IL1RAPL2: variants seen among roughly 807,000 people sequenced by gnomAD.
IL1RAPL2 encodes the protein X-linked interleukin-1 receptor accessory protein-like 2.
A neutral mutation model predicts 44.1 loss-of-function variants in IL1RAPL2; 3 were observed. That is an observed-to-expected ratio of 0.07 (90% CI 0.03 to 0.18). The LOEUF (loss-of-function observed/expected upper bound fraction) is 0.18. Among genes scored for constraint, IL1RAPL2 ranks in the 10% least tolerant of loss-of-function variants. IL1RAPL2 has a pLI of 1.00. For synonymous variants in IL1RAPL2, 181 were observed against 178.8 expected (o/e 1.01, Z -0.10); for missense variants, 391 against 496.4 (o/e 0.79, Z 2.02).
chrX:105,406,050 A>G, intron 5 of IL1RAPL2: 4 of 1,202,345 alleles, frequency 3.3e-6, no homozygotes, highest in Non-Finnish European at 4.5e-6. Context: ...GCGGTACTTT[A>G]CAACTACACG....
At chrX:104,641,940 C>T (rs779604186) in intron 1 of IL1RAPL2, among the ~76,000 whole-genome samples, 4 of 111,597 alleles carry the variant, frequency 3.6e-5, no homozygotes, top group Non-Finnish European at 5.6e-5. Flanking sequence ...TGGCACCCAG[C>T]ACAGACTCAC....
chrX:105,382,534 A>G (rs1181243635), intron 5 of IL1RAPL2, among the ~76,000 whole-genome samples: 1 of 104,457 alleles, frequency 9.6e-6, no homozygotes, highest in Non-Finnish European at 1.9e-5. Context: ...ACTGTAAACT[A>G]GTTCAACCAT....
intron 1 of IL1RAPL2, among the ~76,000 whole-genome samples, chrX:104,585,403 TA>T (rs1928540067): frequency 1.9e-4 from 3 of 15,419 alleles, no homozygotes; most frequent in African/African-American, 4.9e-4. Flanking sequence ...TAATATATAA[TA>T]TATATATAAT....
chrX:105,390,846 G>T (rs1163725553), intron 5 of IL1RAPL2, among the ~76,000 whole-genome samples: 1 of 110,915 alleles, frequency 9.0e-6, no homozygotes, highest in East Asian at 2.8e-4. Context: ...ATGCATTCCA[G>T]ATGGCTTTCA....
In IL1RAPL2 at chrX:105,060,585, CTT is replaced by C. The variant is rs1161187469; in HGVS notation, c.83-134873_83-134872del. Reference sequence around the variant, plus strand: ...TCTTTTTTCTATTCTTTTTCTTTTTCTTTTTTTTTTTTTTTTTTGATATGTCT... The same window carrying C: ...TCTTTTTTCTATTCTTTTTCTTTTTCTTTTTTTTTTTTTTTTGATATGTCT... On this transcript the variant is annotated intron_variant, in intron 2 of 10. Coordinates refer to ENST00000372582, the MANE Select transcript of IL1RAPL2 (RefSeq NM_017416.2). Among the ~76,000 whole-genome samples, 238 of 70,143 alleles carry C rather than the reference CTT, an allele frequency of 3.4e-3. 3 individuals carry two copies. Among genetic ancestry groups the C allele is most frequent in the African/African-American group, 0.013 (206 of 16,290 alleles). 60.9% of individuals were successfully genotyped at this position (70,143 alleles called of 115,157 possible).
intron 2 of IL1RAPL2, among the ~76,000 whole-genome samples, chrX:104,768,450 A>G (rs761388245): frequency 9.0e-6 from 1 of 111,242 alleles, no homozygotes; most frequent in South Asian, 3.8e-4. Flanking sequence ...AAAGGTTTAA[A>G]CTTCTTTAAG....
intron 2 of IL1RAPL2, among the ~76,000 whole-genome samples, chrX:105,097,468 G>T (rs1008128017): frequency 2.7e-5 from 3 of 110,658 alleles, no homozygotes. Context: ...TTCCAGGAGG[G>T]GAAGTACAGA....
intron 5 of IL1RAPL2, chrX:105,405,553 G>A: frequency 5.2e-6 from 3 of 581,485 alleles, no homozygotes; most frequent in Non-Finnish European, 5.5e-6. Flanking sequence ...AATCCGAGTG[G>A]GTGGAGGGAG....
At chrX:104,971,382 G>C (rs746642208) in intron 2 of IL1RAPL2, among the ~76,000 whole-genome samples, 6 of 111,232 alleles carry the variant, frequency 5.4e-5, no homozygotes, top group Non-Finnish European at 9.4e-5. Flanking sequence ...GGTCTTCGGA[G>C]AGGTAAAAAC....
intron 2 of IL1RAPL2, among the ~76,000 whole-genome samples, chrX:104,936,428 AG>A (rs1925028417): frequency 9.0e-6 from 1 of 110,964 alleles, no homozygotes; most frequent in South Asian, 3.9e-4. Flanking sequence ...CTATGGGTTA[AG>A]GTCAAAAATG....
Position 105,181,830 on chromosome X carries a change from C to T in IL1RAPL2, c.83-13645C>T, listed in dbSNP as rs782401907. On this transcript the variant is annotated intron_variant, in intron 2 of 10. Coordinates refer to ENST00000372582, the MANE Select transcript of IL1RAPL2 (RefSeq NM_017416.2). ...CTGTAATCCCAGCACTTTGGGAGGC[C>T]GAGGCAGGTGGATCACGAGGTCAGG... Among the ~76,000 whole-genome samples the T allele has an allele frequency of 1.1e-3, 119 of 109,995 alleles. 1 individual carries two copies. The highest frequency in any genetic ancestry group is 5.6e-3 in the Admixed American group (58 of 10,330).
At position 104,630,338 on chromosome X, in the gene IL1RAPL2, G is replaced by A. The variant is rs771345028; in HGVS notation, c.-19-28557G>A. Among the ~76,000 whole-genome samples the A allele has an allele frequency of 3.6e-5, 4 of 110,727 alleles. No individual in the cohort carries two copies. The East Asian group carries it at 8.5e-4, about 23-fold the overall frequency. ...AATTTTTTGTATTTTTAGTAGAGAC[G>A]GACTTTCACCATGTTGGTCAAGCTG... is the stretch of plus-strand genomic sequence containing the variant. On this transcript the variant is annotated intron_variant, in intron 1 of 10. Transcript: ENST00000372582.
At chrX:104,844,179 G>C (rs1038969725) in intron 2 of IL1RAPL2, among the ~76,000 whole-genome samples, 42 of 109,832 alleles carry the variant, frequency 3.8e-4, no homozygotes, top group African/African-American at 1.3e-3. Context: ...TTCTTTTCTG[G>C]AAGTTAAACC....
chrX:105,690,006 G>A (rs980277304), intron 6 of IL1RAPL2, among the ~76,000 whole-genome samples: 1 of 111,004 alleles, frequency 9.0e-6, no homozygotes, highest in Admixed American at 9.6e-5. Context: ...CTCGTAGGTG[G>A]GAATTGAACA....
chrX:104,862,565 A>C (rs2147648034), intron 2 of IL1RAPL2, among the ~76,000 whole-genome samples: 1 of 110,889 alleles, frequency 9.0e-6, no homozygotes, highest in African/African-American at 3.3e-5. Context: ...CCCTAGAAGA[A>C]ACCAATCCTG....
rs1427208740 is a variant in IL1RAPL2 at position 104,874,314 on chromosome X, C to CTCTT, written c.82+215322_82+215323insTTCT. 7.4e-5 allele frequency among the ~76,000 whole-genome samples: 8 copies of CTCTT among 108,009 alleles called. 1 individual carries two copies. In the Admixed American group the frequency reaches 8.1e-4, roughly 11 times the overall value. The allele number at this position is 108,009 out of a possible 115,157, so 93.8% of individuals were successfully genotyped here. ...TCTCTCTCTCTCTCTCTCTCTCTCT[C>CTCTT]TCTGAAACTTAGGATATGCATAGAT... On this transcript the variant is annotated intron_variant, in intron 2 of 10. Transcript: ENST00000372582.
In IL1RAPL2 at chrX:104,885,474, C is replaced by T. The variant is rs749659980; in HGVS notation, c.82+226479C>T. Among the ~76,000 whole-genome samples, 7 of 111,820 alleles carry T rather than the reference C, an allele frequency of 6.3e-5. No homozygotes were observed. In the East Asian group the frequency reaches 2.0e-3, roughly 32 times the overall value. ...ATGGGAGGCCTTAAGAAAATATACT[C>T]CCCTGTCACCCAACTCACTAGAGGG... is the stretch of plus-strand genomic sequence containing the variant. On this transcript the variant is annotated intron_variant, in intron 2 of 10. Coordinates refer to ENST00000372582, the MANE Select transcript of IL1RAPL2 (RefSeq NM_017416.2).
intron 2 of IL1RAPL2, among the ~76,000 whole-genome samples, chrX:105,076,457 A>T (rs1163591361): frequency 7.2e-5 from 8 of 111,388 alleles, no homozygotes; most frequent in East Asian, 2.8e-4. Context: ...AGTGTTTTAC[A>T]TCCAACTATG....
At chrX:104,672,326 T>C (rs769703472) in intron 2 of IL1RAPL2, among the ~76,000 whole-genome samples, 28 of 110,264 alleles carry the variant, frequency 2.5e-4, no homozygotes, top group African/African-American at 7.6e-4. Context: ...AGTTCCCACC[T>C]ATGAGTGAGA....
Sources: allele counts gnomAD v4.1 joint callset (sites outside exome capture counted in the v4.1 genomes callset), GRCh38; gene constraint gnomAD v4.1.1; transcripts MANE v1.5; gene names NCBI Gene and HGNC (gene_info 2026-07-23, HGNC 2026-07-21).